The following SASH1 variants were observed in gnomAD, a reference collection of about 807,000 sequenced individuals.
SASH1 encodes SAM and SH3 domain-containing protein 1.
A neutral mutation model predicts 125.2 loss-of-function variants in SASH1; 44 were observed. That is an observed-to-expected ratio of 0.35 (90% CI 0.28 to 0.45). SASH1 has a LOEUF of 0.45. Among genes scored for constraint, SASH1 ranks in the 20% least tolerant of loss-of-function variants. The probability of loss-of-function intolerance (pLI) is 1.00; values close to 1 mark genes in which losing one functional copy is unlikely to be tolerated. For missense variants in SASH1, 1,426 were observed against 1,614.5 expected, an observed-to-expected ratio of 0.88 and a Z score of 2.00; for synonymous variants, 639 against 649.1, an observed-to-expected ratio of 0.98 and a Z score of 0.24.
chr6:148,208,440 G>A, the SASH1 span, among the ~76,000 whole-genome samples: 5 of 152,306 alleles, frequency 3.3e-5, no homozygotes, highest in African/African-American at 1.2e-4. Flanking sequence ...TCTGGATGGT[G>A]GACAGGAAGA....
chr6:148,224,050 T>C, the SASH1 span, among the ~76,000 whole-genome samples: 4 of 152,176 alleles, frequency 2.6e-5, no homozygotes, highest in Non-Finnish European at 5.9e-5. Flanking sequence ...TCCCAACATT[T>C]TGGGAGGCCA....
At chr6:148,253,908 A>AAAGACACCGTC in the SASH1 span, among the ~76,000 whole-genome samples, 795 of 152,022 alleles carry the variant, frequency 5.2e-3, 8 homozygotes, top group African/African-American at 0.018. Flanking sequence ...AAATAAATAA[A>AAAGACACCGTC]AAGAAATAAA....
chr6:148,374,806 C>T (rs1782829501), intron 1 of SASH1, among the ~76,000 whole-genome samples: 1 of 152,100 alleles, frequency 6.6e-6, no homozygotes, highest in Non-Finnish European at 1.5e-5. Flanking sequence ...CAAGCGATCT[C>T]CTGCCTCAGC....
upstream of SASH1, chr6:148,272,179 T>C: frequency 7.9e-6 from 2 of 253,338 alleles, no homozygotes; most frequent in Non-Finnish European, 1.8e-5. Flanking sequence ...TCTCTTATCG[T>C]CCTGAAGGCG....
chr6:148,285,398 C>G (rs1364970188), intron 1 of SASH1, among the ~76,000 whole-genome samples: 1 of 152,236 alleles, frequency 6.6e-6, no homozygotes, highest in Non-Finnish European at 1.5e-5. Flanking sequence ...AGATAAGCAT[C>G]TAGCATCCTC....
At chr6:148,307,094 T>TTCTTTCTCTC in intron 1 of SASH1, among the ~76,000 whole-genome samples, 2 of 120,758 alleles carry the variant, frequency 1.7e-5, no homozygotes, top group African/African-American at 6.3e-5. Context: ...CTTTCTTTCT[T>TTCTTTCTCTC]TCTCTCTCTC....
At chr6:148,215,683 A>G in the SASH1 span, among the ~76,000 whole-genome samples, 1 of 152,082 alleles carries the variant, frequency 6.6e-6, no homozygotes, top group Non-Finnish European at 1.5e-5. Flanking sequence ...TGACTATCTT[A>G]TTTCTGATGA....
At chr6:148,290,844 G>A (rs1285262137) in intron 1 of SASH1, among the ~76,000 whole-genome samples, 4 of 130,180 alleles carry the variant, frequency 3.1e-5, no homozygotes, top group Non-Finnish European at 6.4e-5. Flanking sequence ...CCCCCTCTCC[G>A]AGAAACACCC....
intron 2 of SASH1, among the ~76,000 whole-genome samples, chr6:148,434,059 GGA>G (rs1776179648): frequency 7.0e-6 from 1 of 143,216 alleles, no homozygotes; most frequent in Admixed American, 7.7e-5. Context: ...TAGGGGAACT[GGA>G]GATTTTTTTT....
Position 148,343,183 on chromosome 6 carries a change from A to G in SASH1, c.116A>G (p.Glu39Gly). 10 of 1,600,062 alleles carry G rather than the reference A, an allele frequency of 6.2e-6. No individual in the cohort carries two copies. Among genetic ancestry groups the G allele is most frequent in the Non-Finnish European group, 7.6e-6 (9 of 1,179,094 alleles). ...PEPKPGAGTS[E>G]AFSRLWTDVM... ...CCCAAGCCGGGTGCTGGCACATCCG[A>G]GGCGTTCTCCCGACTCTGGACCGAC... Residue 39 changes from glutamate to glycine, a missense_variant, in exon 1 of 20, where the codon GAG becomes GGG. This residue lies in a region of SASH1 where 567 missense variants were observed against 575.6 expected (regional missense o/e 0.99). Coordinates refer to ENST00000367467, the MANE Select transcript of SASH1 (RefSeq NM_015278.5).
intron 7 of SASH1, among the ~76,000 whole-genome samples, chr6:148,487,129 A>ATATATATG (rs1179220015): frequency 6.8e-6 from 1 of 146,378 alleles, no homozygotes; most frequent in African/African-American, 2.5e-5. Context: ...ATATATATAT[A>ATATATATG]TGTGTATGTT....
rs781190778 is a variant in SASH1 at position 148,495,399 on chromosome 6, A to G, written c.729+7684A>G. On this transcript the variant is annotated intron_variant, in intron 8 of 19. Coordinates refer to ENST00000367467, the MANE Select transcript of SASH1 (RefSeq NM_015278.5). The surrounding 1 kb of genome is among the most constrained non-coding windows in gnomAD (Gnocchi z 4.0). The stretch of plus-strand genomic sequence containing the variant: ...TATAGAATCTGCTATTGTGAGCTCA[A>G]CTCAAAATTTTAAAGGTTGACTATT... Among the ~76,000 whole-genome samples, 1 of 152,052 alleles carries G rather than the reference A, an allele frequency of 6.6e-6. No individual in the cohort carries two copies. The highest frequency in any genetic ancestry group is 2.4e-5 in the African/African-American group (1 of 41,396).
intron 4 of SASH1, among the ~76,000 whole-genome samples, chr6:148,451,426 T>TAG (rs1485918004): frequency 2.6e-5 from 4 of 152,244 alleles, no homozygotes; most frequent in Non-Finnish European, 5.9e-5. Flanking sequence ...CAAATCTTTT[T>TAG]CTAAGGGTTG....
the SASH1 span, among the ~76,000 whole-genome samples, chr6:148,215,514 G>T: frequency 1.3e-5 from 2 of 152,132 alleles, no homozygotes; most frequent in African/African-American, 4.8e-5. Flanking sequence ...TGTTTGGGAT[G>T]GGTGCTCTGG....
chr6:148,412,027 A>G (rs1467984541), intron 2 of SASH1, among the ~76,000 whole-genome samples: 1 of 152,208 alleles, frequency 6.6e-6, no homozygotes, highest in Admixed American at 6.5e-5. Context: ...ATGTTGTTGC[A>G]TAACCCTTTC....
At chr6:148,417,214 C>A (rs1784856204) in intron 2 of SASH1, among the ~76,000 whole-genome samples, 1 of 152,126 alleles carries the variant, frequency 6.6e-6, no homozygotes, top group Non-Finnish European at 1.5e-5. Flanking sequence ...GGCAGAGACT[C>A]AGGAAGCTAA....
chr6:148,484,519 T>G (rs1357274255), intron 7 of SASH1, among the ~76,000 whole-genome samples: 1 of 149,420 alleles, frequency 6.7e-6, no homozygotes, highest in Non-Finnish European at 1.5e-5. Flanking sequence ...TTATAACAGG[T>G]AATTATCCAT....
intron 2 of SASH1, among the ~76,000 whole-genome samples, chr6:148,392,773 G>A (rs1374302618): frequency 1.3e-5 from 2 of 152,164 alleles, no homozygotes; most frequent in Admixed American, 6.5e-5. Flanking sequence ...CCATCACCAC[G>A]GGAGCCTGAC....
chr6:148,327,918 G>A (rs1181901138), intron 1 of SASH1, among the ~76,000 whole-genome samples: 5 of 147,638 alleles, frequency 3.4e-5, no homozygotes, highest in African/African-American at 1.2e-4. Flanking sequence ...TCCAGCCTGG[G>A]TGACAGAGCA....
Sources: gnomAD v4.1 joint callset for allele counts (sites outside exome capture counted in the v4.1 genomes callset) on GRCh38, gnomAD v4.1.1 for gene constraint, gnomAD v4.1.1 regional missense constraint, Gnocchi (gnomAD v3.1) non-coding constraint, MANE v1.5 for transcripts, NCBI Gene and HGNC (gene_info 2026-07-23, HGNC 2026-07-21) for gene names.